EPB41L5: variants seen among roughly 807,000 people sequenced by gnomAD.
EPB41L5 encodes the protein erythrocyte membrane protein band 4.1 like 5.
A neutral mutation model predicts 106.6 loss-of-function variants in EPB41L5; 55 were observed. That is an observed-to-expected ratio of 0.52 (90% confidence interval 0.42 to 0.65). The LOEUF is 0.65. Among genes scored for constraint, EPB41L5 ranks in the 30% least tolerant of loss-of-function variants. The probability of loss-of-function intolerance (pLI) is 0.00; values close to 1 mark genes in which losing one functional copy is unlikely to be tolerated. For missense variants in EPB41L5, 871 were observed against 882.1 expected, an observed-to-expected ratio of 0.99 and a Z score of 0.16; for synonymous variants, 297 against 306.7, an observed-to-expected ratio of 0.97 and a Z score of 0.33.
At chr2:120,054,388 T>C (rs1260676518) in intron 3 of EPB41L5, among the ~76,000 whole-genome samples, 1 of 152,246 alleles carries the variant, frequency 6.6e-6, no homozygotes, top group African/African-American at 2.4e-5. Flanking sequence ...AAGTTTTACA[T>C]TGTGATGAAA....
intron 3 of EPB41L5, among the ~76,000 whole-genome samples, chr2:120,060,428 A>G (rs1680954507): frequency 6.6e-6 from 1 of 152,196 alleles, no homozygotes; most frequent in African/African-American, 2.4e-5. Context: ...ACTACTCAGC[A>G]ATAAAAAGAA....
chr2:120,048,688 T>G (rs1574528421), intron 3 of EPB41L5, among the ~76,000 whole-genome samples: 1 of 152,326 alleles, frequency 6.6e-6, no homozygotes, highest in East Asian at 1.9e-4. Flanking sequence ...TCTTGCCTTC[T>G]GCTAGCTTTT....
At chr2:120,129,103 T>C (rs1042168180) in intron 17 of EPB41L5, among the ~76,000 whole-genome samples, 3 of 152,086 alleles carry the variant, frequency 2.0e-5, no homozygotes, top group African/African-American at 7.2e-5. Flanking sequence ...GGAGATGAGA[T>C]CAGTAGAAGC....
intron 16 of EPB41L5, among the ~76,000 whole-genome samples, chr2:120,103,275 G>T (rs1684256236): frequency 6.6e-6 from 1 of 152,110 alleles, no homozygotes; most frequent in African/African-American, 2.4e-5. Flanking sequence ...TCTACTGGAG[G>T]ACTCTGATCA....
At position 120,019,213 on chromosome 2, in the gene EPB41L5, C is replaced by T; in HGVS notation, c.129C>T (p.Ile43=). The T allele has an allele frequency of 6.2e-7, 1 of 1,614,002 alleles. No homozygotes were observed. The highest frequency in any genetic ancestry group is 8.5e-7 in the Non-Finnish European group (1 of 1,180,004). Reference sequence around the variant, plus strand: ...CAGCTGGAGATTCTAAGTCCATCATCACGTGTCGGGTGTCCCTTCTGGATG... The same window carrying T: ...CAGCTGGAGATTCTAAGTCCATCATTACGTGTCGGGTGTCCCTTCTGGATG... ...IPAAGDSKSI[I]TCRVSLLDGT... The change falls in exon 2 of 25, where the codon ATC becomes ATT. Residue 43 remains isoleucine (I), a synonymous_variant. Coordinates refer to ENST00000263713, the MANE Select transcript of EPB41L5 (RefSeq NM_020909.4).
rs113114008 is a variant in EPB41L5, at chr2:120,127,385, G to A, written c.1338-303G>A. ...GGACCTCCCTGAGATACCAAAATCCGCAGACGCGCAAGTGCCTTATATGAA... is the reference window on the plus strand; with the variant it reads ...GGACCTCCCTGAGATACCAAAATCCACAGACGCGCAAGTGCCTTATATGAA... On this transcript the variant is annotated intron_variant, in intron 16 of 24. Transcript: ENST00000263713. 6.5e-3 allele frequency among the ~76,000 whole-genome samples: 989 copies of A among 152,230 alleles called. 15 individuals are homozygous for A. The highest frequency in any genetic ancestry group is 0.021 in the African/African-American group (878 of 41,544).
chr2:120,042,899 T>C (rs1190170617), intron 3 of EPB41L5, among the ~76,000 whole-genome samples: 2 of 152,044 alleles, frequency 1.3e-5, no homozygotes, highest in East Asian at 1.9e-4. Flanking sequence ...ACAAATACTT[T>C]AGGATAAAAG....
intron 3 of EPB41L5, among the ~76,000 whole-genome samples, chr2:120,058,010 T>TA (rs1260284272): frequency 6.6e-6 from 1 of 152,134 alleles, no homozygotes; most frequent in East Asian, 1.9e-4. Context: ...TTTTCAGTCT[T>TA]AAAATCACAT....
At chr2:120,051,402 G>C (rs887533499) in intron 3 of EPB41L5, among the ~76,000 whole-genome samples, 6 of 152,210 alleles carry the variant, frequency 3.9e-5, no homozygotes, top group African/African-American at 1.4e-4. Context: ...TTTGATCTCA[G>C]ACTACTGTGC....
intron 18 of EPB41L5, among the ~76,000 whole-genome samples, chr2:120,142,337 T>A (rs1488314677): frequency 1.3e-5 from 2 of 152,092 alleles, no homozygotes; most frequent in Non-Finnish European, 2.9e-5. Flanking sequence ...TCCTTCCCCT[T>A]AATTTCCTAA....
intron 3 of EPB41L5, among the ~76,000 whole-genome samples, chr2:120,056,635 A>G (rs772392995): frequency 2.0e-5 from 3 of 148,330 alleles, no homozygotes; most frequent in Non-Finnish European, 3.0e-5. Context: ...TTTTGGTACT[A>G]TATTCATAAA....
chr2:120,091,506 T>A (rs975996935), intron 12 of EPB41L5, 49 bp from the exon 13 acceptor site: 10 of 1,319,076 alleles, frequency 7.6e-6, no homozygotes, highest in Non-Finnish European at 1.1e-5. Flanking sequence ...TGTGTGTGTT[T>A]ATTACTGTAG....
intron 20 of EPB41L5, among the ~76,000 whole-genome samples, chr2:120,155,396 T>C (rs1383924965): frequency 2.0e-5 from 3 of 152,238 alleles, no homozygotes; most frequent in African/African-American, 7.2e-5. Flanking sequence ...TCCTTGTACA[T>C]GATGAGTCGT....
intron 1 of EPB41L5, 146 bp from the exon 2 acceptor site, chr2:120,018,931 T>A (rs1677730819): frequency 2.9e-6 from 2 of 685,388 alleles, no homozygotes; most frequent in Non-Finnish European, 4.8e-6. Flanking sequence ...CAGGCGTGAG[T>A]CACTGCACCC....
chr2:120,161,276 G>A (rs1447873105), intron 21 of EPB41L5, among the ~76,000 whole-genome samples: 1 of 151,962 alleles, frequency 6.6e-6, no homozygotes, highest in African/African-American at 2.4e-5. Context: ...TTCTCAGGAG[G>A]CTGAGACAGA....
rs191822149 is a variant in EPB41L5, at chr2:120,169,447, C to T, written c.2135+1440C>T. ...TTAGAATAGACAAAGATCTTTTAAA[C>T]AGCTCACAAGGAGCTTTAGTCTTAC... On this transcript the variant is annotated intron_variant, in intron 24 of 24. Transcript: ENST00000263713. Among the ~76,000 whole-genome samples, 38 of 152,280 alleles carry T rather than the reference C, an allele frequency of 2.5e-4. No homozygotes were observed. In the East Asian group the frequency reaches 7.1e-3, roughly 29 times the overall value.
At chr2:120,018,285 G>A (rs893931136) in intron 1 of EPB41L5, among the ~76,000 whole-genome samples, 1 of 151,882 alleles carries the variant, frequency 6.6e-6, no homozygotes. Flanking sequence ...GAATTTTTAT[G>A]ATCATCAAAG....
rs765718344 is a variant in EPB41L5, at chr2:120,177,760, T to C, written c.*2853T>C. The C allele has an allele frequency of 2.0e-5, 3 of 152,354 alleles. No individual in the cohort carries two copies. Among genetic ancestry groups the C allele is most frequent in the Admixed American group, 6.5e-5 (1 of 15,302 alleles). The allele number at this position is 152,354 out of a possible 1,614,324, so 9.4% of individuals were successfully genotyped here. On this transcript the variant is annotated 3_prime_UTR_variant, in exon 25 of 25. Transcript: ENST00000263713. ...AAAAAACTTTTAAAAATATTTCTTATAGTCTCCTAACATTTGTCTCTAGCC... is the reference window on the plus strand; with the variant it reads ...AAAAAACTTTTAAAAATATTTCTTACAGTCTCCTAACATTTGTCTCTAGCC...
chr2:120,037,087 T>C (rs901033811), intron 2 of EPB41L5, among the ~76,000 whole-genome samples: 1 of 151,680 alleles, frequency 6.6e-6, no homozygotes, highest in African/African-American at 2.4e-5. Context: ...AACCAAAGAT[T>C]TTGCAGGAAA....
Sources: gnomAD v4.1 joint callset for allele counts (sites outside exome capture counted in the v4.1 genomes callset) on GRCh38, gnomAD v4.1.1 for gene constraint, MANE v1.5 for transcripts, NCBI Gene and HGNC (gene_info 2026-07-23, HGNC 2026-07-21) for gene names.